LARGE1: variants seen among roughly 807,000 people sequenced by gnomAD.
LARGE1 encodes LARGE xylosyl- and glucuronyltransferase 1.
A neutral mutation model predicts 87.6 loss-of-function variants in LARGE1; 43 were observed. The ratio of observed to expected loss-of-function variants is 0.49; its 90% CI spans 0.38 to 0.63. The LOEUF (loss-of-function observed/expected upper bound fraction) is 0.63, where lower values mean the gene tolerates loss of function less well. Ranked by LOEUF, LARGE1 falls within the 30% of genes least tolerant of loss-of-function variation. The pLI is 0.00. For missense variants in LARGE1, 802 were observed against 1,000.2 expected (o/e 0.80, Z 2.67); for synonymous variants, 434 against 394.6 (o/e 1.10, Z -1.18).
At chr22:33,154,968 A>G in the LARGE1 span, among the ~76,000 whole-genome samples, 1 of 152,178 alleles carries the variant, frequency 6.6e-6, no homozygotes, top group Non-Finnish European at 1.5e-5. Flanking sequence ...GTTTCCCTGC[A>G]CAAGCTTCTT....
intron 1 of LARGE1, among the ~76,000 whole-genome samples, chr22:33,801,762 TA>T (rs768313606): frequency 4.2e-4 from 64 of 152,158 alleles, no homozygotes; most frequent in South Asian, 4.1e-4. Context: ...CAACTCCTTT[TA>T]AAATCCAAGA....
At chr22:33,302,815 G>A (rs1323113290) in intron 12 of LARGE1, among the ~76,000 whole-genome samples, 2 of 152,112 alleles carry the variant, frequency 1.3e-5, no homozygotes, top group East Asian at 1.9e-4. Context: ...ACACCCTGGC[G>A]TGAGCTCTCT....
At chr22:33,834,368 G>A (rs1185577061) in intron 1 of LARGE1, among the ~76,000 whole-genome samples, 1 of 152,192 alleles carries the variant, frequency 6.6e-6, no homozygotes, top group African/African-American at 2.4e-5. Flanking sequence ...AGTAACTGAA[G>A]AATCACAAAA....
At chr22:33,399,508 G>C (rs1298841764) in intron 7 of LARGE1, among the ~76,000 whole-genome samples, 1 of 152,122 alleles carries the variant, frequency 6.6e-6, no homozygotes, top group African/African-American at 2.4e-5. Context: ...CCCAGTAATG[G>C]GATTGCTGGG....
intron 2 of LARGE1, among the ~76,000 whole-genome samples, chr22:33,675,318 A>AAAAAAAAAAAAAAAAAAAAAG (rs56272266): frequency 6.9e-6 from 1 of 145,792 alleles, no homozygotes; most frequent in Non-Finnish European, 1.5e-5. Flanking sequence ...AAAAAAAAAA[A>AAAAAAAAAAAAAAAAAAAAAG]GAACACAAGA....
chr22:33,800,424 C>CT (rs1207145524), intron 1 of LARGE1, among the ~76,000 whole-genome samples: 3 of 152,146 alleles, frequency 2.0e-5, no homozygotes, highest in Non-Finnish European at 4.4e-5. Flanking sequence ...TACATTCAGG[C>CT]TTTTTTGTAT....
At chr22:33,256,350 A>C (rs187860868) in intron 11 of LARGE1, among the ~76,000 whole-genome samples, 46 of 152,348 alleles carry the variant, frequency 3.0e-4, no homozygotes, top group African/African-American at 9.9e-4. Flanking sequence ...AAGTTGCAGA[A>C]AAGTTGAAAA....
chr22:33,634,265 T>C (rs933607974), intron 3 of LARGE1, among the ~76,000 whole-genome samples: 2 of 152,126 alleles, frequency 1.3e-5, no homozygotes, highest in Admixed American at 1.3e-4. Flanking sequence ...CTGGAGGGGC[T>C]TGTTACAACA....
intron 1 of LARGE1, among the ~76,000 whole-genome samples, chr22:33,821,804 T>C (rs1455900618): frequency 6.6e-6 from 1 of 151,942 alleles, no homozygotes; most frequent in African/African-American, 2.4e-5. Flanking sequence ...TCTTCAACAA[T>C]CATTATGATG....
intron 9 of LARGE1, among the ~76,000 whole-genome samples, chr22:33,353,528 G>C (rs774660327): frequency 2.0e-5 from 3 of 152,116 alleles, no homozygotes; most frequent in Non-Finnish European, 2.9e-5. Flanking sequence ...CTGAAGGATG[G>C]AAGCAACTAG....
chr22:33,855,930 T>G (rs2063742859), intron 1 of LARGE1, among the ~76,000 whole-genome samples: 1 of 152,048 alleles, frequency 6.6e-6, no homozygotes, highest in South Asian at 2.1e-4. Context: ...AACTGAAGCT[T>G]AAAAGGTTAA....
At chr22:33,210,260 C>T (rs1924890499) in intron 11 of LARGE1, among the ~76,000 whole-genome samples, 1 of 152,258 alleles carries the variant, frequency 6.6e-6, no homozygotes, top group Admixed American at 6.5e-5. Context: ...GGCGTGTATC[C>T]TTGTCCTCTT....
At chr22:33,070,081 G>A in the LARGE1 span, among the ~76,000 whole-genome samples, 13 of 152,098 alleles carry the variant, frequency 8.5e-5, no homozygotes, top group Non-Finnish European at 1.3e-4. Flanking sequence ...CTCGGCCTCC[G>A]AAAGTGCTGG....
At chr22:33,840,892 G>C (rs536553554) in intron 1 of LARGE1, among the ~76,000 whole-genome samples, 1 of 152,186 alleles carries the variant, frequency 6.6e-6, no homozygotes, top group South Asian at 2.1e-4. Flanking sequence ...CAAAGTGCTG[G>C]GATTACAGGC....
At chr22:33,866,772 C>T (rs983714635) in intron 1 of LARGE1, among the ~76,000 whole-genome samples, 1 of 152,122 alleles carries the variant, frequency 6.6e-6, no homozygotes, top group Middle Eastern at 3.2e-3. Context: ...ATAGAAAGCA[C>T]CTCCCACAGG....
chr22:33,374,528 C>T (rs1167453260), intron 9 of LARGE1, among the ~76,000 whole-genome samples: 1 of 152,170 alleles, frequency 6.6e-6, no homozygotes, highest in African/African-American at 2.4e-5. Flanking sequence ...CAAGTGCTTT[C>T]AACCTTTTAA....
At chr22:33,147,603 T>C in the LARGE1 span, among the ~76,000 whole-genome samples, 1 of 152,212 alleles carries the variant, frequency 6.6e-6, no homozygotes, top group African/African-American at 2.4e-5. Context: ...GTCTCGCGAT[T>C]ATAGCTTTTT....
At chr22:33,676,820 T>C (rs1267697890) in intron 2 of LARGE1, among the ~76,000 whole-genome samples, 1 of 152,134 alleles carries the variant, frequency 6.6e-6, no homozygotes, top group Non-Finnish European at 1.5e-5. Flanking sequence ...TCAGTAGAAG[T>C]ATATTTACAG....
intron 6 of LARGE1, among the ~76,000 whole-genome samples, chr22:33,485,276 C>T (rs1331633507): frequency 5.3e-5 from 8 of 151,054 alleles, no homozygotes; most frequent in Admixed American, 1.3e-4. Context: ...TGCAGTGGCA[C>T]GATCTGGGCT....
Sources: allele counts gnomAD v4.1 joint callset (sites outside exome capture counted in the v4.1 genomes callset), GRCh38; gene constraint gnomAD v4.1.1; transcripts MANE v1.5; gene names NCBI Gene and HGNC (gene_info 2026-07-23, HGNC 2026-07-21).